Variants in KCNB2 observed in about 807,000 individuals in gnomAD.
KCNB2 encodes delayed rectifier potassium channel protein.
Under a neutral mutation model 61.5 loss-of-function variants are expected in KCNB2, and 15 were observed. The observed-to-expected ratio is 0.24, with a 90% CI of 0.16 to 0.38. The LOEUF (loss-of-function observed/expected upper bound fraction) is 0.38. Ranked by LOEUF, KCNB2 falls within the 10% of genes least tolerant of loss-of-function variation. The probability of loss-of-function intolerance (pLI) is 1.00; values close to 1 mark genes in which losing one functional copy is unlikely to be tolerated. For missense variants in KCNB2, 828 were observed against 1,125.2 expected, an observed-to-expected ratio of 0.74 and a Z score of 3.78; for synonymous variants, 457 against 446.0, an observed-to-expected ratio of 1.02 and a Z score of -0.31.
At chr8:72,882,840 C>T (rs552854704) in intron 2 of KCNB2, among the ~76,000 whole-genome samples, 5 of 152,292 alleles carry the variant, frequency 3.3e-5, no homozygotes, top group Admixed American at 1.3e-4. Context: ...ATTTAAAAAT[C>T]AGGAGATTTC....
chr8:72,798,098 A>G (rs1197120166), intron 2 of KCNB2, among the ~76,000 whole-genome samples: 1 of 151,960 alleles, frequency 6.6e-6, no homozygotes, highest in Non-Finnish European at 1.5e-5. Context: ...TGGAAAACAC[A>G]TAGCAATTCT....
At chr8:72,826,695 C>T (rs1250880479) in intron 2 of KCNB2, among the ~76,000 whole-genome samples, 2 of 152,160 alleles carry the variant, frequency 1.3e-5, no homozygotes, top group Admixed American at 6.5e-5. Flanking sequence ...AAGTAATTGA[C>T]TCCTTAGAGT....
intron 2 of KCNB2, among the ~76,000 whole-genome samples, chr8:72,640,296 T>C (rs1441081658): frequency 6.6e-6 from 1 of 152,118 alleles, no homozygotes; most frequent in African/African-American, 2.4e-5. Flanking sequence ...CAGCAGGAGC[T>C]AAATATGTGC....
intron 1 of KCNB2, among the ~76,000 whole-genome samples, chr8:72,560,166 ACTGAGAAATAGTC>A (rs1323779547): frequency 1.3e-5 from 2 of 152,204 alleles, no homozygotes; most frequent in African/African-American, 2.4e-5. Context: ...ACAGAGCCCA[ACTGAGAAATAGTC>A]CTTGTACATG....
intron 2 of KCNB2, among the ~76,000 whole-genome samples, chr8:72,610,178 T>G (rs967852705): frequency 1.3e-5 from 2 of 152,132 alleles, no homozygotes; most frequent in Non-Finnish European, 2.9e-5. Context: ...GAAAAGATAA[T>G]GACTCTTAAA....
chr8:72,843,795 A>C (rs568169779), intron 2 of KCNB2, among the ~76,000 whole-genome samples: 5 of 152,010 alleles, frequency 3.3e-5, no homozygotes, highest in Non-Finnish European at 5.9e-5. Flanking sequence ...CTTGGTAAAT[A>C]TTCCTCCATC....
intron 2 of KCNB2, among the ~76,000 whole-genome samples, chr8:72,864,338 G>C (rs1030163076): frequency 5.3e-5 from 8 of 152,260 alleles, no homozygotes; most frequent in South Asian, 4.1e-4. Flanking sequence ...CCACTAAATA[G>C]ATCTATGAAA....
chr8:72,568,871 T>C (rs1243888719), intron 2 of KCNB2, among the ~76,000 whole-genome samples: 2 of 151,906 alleles, frequency 1.3e-5, no homozygotes, highest in Non-Finnish European at 2.9e-5. Context: ...TGCATCCACG[T>C]ACCTCCCCTT....
chr8:72,647,368 T>TA (rs71927599), intron 2 of KCNB2, among the ~76,000 whole-genome samples: 20 of 151,200 alleles, frequency 1.3e-4, no homozygotes, highest in African/African-American at 2.4e-4. Flanking sequence ...CTCTTTTATT[T>TA]AAAAAAAAAT....
intron 2 of KCNB2, among the ~76,000 whole-genome samples, chr8:72,818,681 T>C (rs1809444840): frequency 6.6e-6 from 1 of 152,184 alleles, no homozygotes; most frequent in African/African-American, 2.4e-5. Flanking sequence ...CATCTGCTAA[T>C]TTTTAGGCTC....
intron 2 of KCNB2, among the ~76,000 whole-genome samples, chr8:72,730,553 T>A (rs1211150404): frequency 1.3e-5 from 2 of 152,158 alleles, no homozygotes; most frequent in East Asian, 3.9e-4. Context: ...TTTGTCCTGG[T>A]TCCTTCACAG....
Position 72,699,369 on chromosome 8 carries a change from T to A in KCNB2, c.579+131056T>A, listed in dbSNP as rs572366981. Among the ~76,000 whole-genome samples the A allele has an allele frequency of 1.0e-3, 155 of 152,304 alleles. 1 individual carries two copies. Among genetic ancestry groups the A allele is most frequent in the African/African-American group, 1.1e-3 (45 of 41,566 alleles). On this transcript the variant is annotated intron_variant, in intron 2 of 2. Transcript: ENST00000523207. The stretch of plus-strand genomic sequence containing the variant: ...GTGATGATGAGCTTTTTTTCATATG[T>A]TTGTTGGCCGCATAAATATCTTCTT...
chr8:72,791,099 A>G (rs1325802957), intron 2 of KCNB2, among the ~76,000 whole-genome samples: 1 of 152,194 alleles, frequency 6.6e-6, no homozygotes, highest in Non-Finnish European at 1.5e-5. Flanking sequence ...TTAAAATGTG[A>G]CTGAAATGTT....
intron 2 of KCNB2, among the ~76,000 whole-genome samples, chr8:72,779,842 A>T (rs1256148337): frequency 1.3e-5 from 2 of 152,208 alleles, no homozygotes; most frequent in African/African-American, 4.8e-5. Context: ...CTGTATAAAA[A>T]TGACTGCTGC....
intron 2 of KCNB2, among the ~76,000 whole-genome samples, chr8:72,927,782 C>A (rs540927674): frequency 6.6e-6 from 1 of 152,188 alleles, no homozygotes; most frequent in Non-Finnish European, 1.5e-5. Flanking sequence ...AATCACAAAC[C>A]CCTATGTGTC....
At chr8:72,884,796 A>T (rs906471103) in intron 2 of KCNB2, among the ~76,000 whole-genome samples, 1 of 152,134 alleles carries the variant, frequency 6.6e-6, no homozygotes, top group Non-Finnish European at 1.5e-5. Context: ...CCACACCAAG[A>T]TCACATGTCT....
intron 2 of KCNB2, among the ~76,000 whole-genome samples, chr8:72,705,664 T>C (rs969042110): frequency 1.7e-4 from 26 of 152,160 alleles, no homozygotes; most frequent in Non-Finnish European, 4.4e-5. Flanking sequence ...CACTCAAAAT[T>C]TGTGGGCTGG....
chr8:72,905,547 G>A (rs1434231762), intron 2 of KCNB2, among the ~76,000 whole-genome samples: 2 of 152,178 alleles, frequency 1.3e-5, no homozygotes, highest in Admixed American at 1.3e-4. Context: ...AAGAGTAATG[G>A]CACTTAAGCA....
chr8:72,937,594 A>G lies in KCNB2; in HGVS notation c.2239A>G (p.Thr747Ala). ...AGTCACCACAGCTGACTTTTCGCTC[A>G]CTACCCCGCAGCACATCAGTACCAT... is the stretch of plus-strand genomic sequence containing the variant. ...LPVTTADFSL[T>A]TPQHISTILL... Residue 747 changes from threonine to alanine, a missense_variant, in exon 3 of 3, where the codon ACT (threonine) becomes GCT (alanine). Coordinates refer to ENST00000523207, the MANE Select transcript of KCNB2 (RefSeq NM_004770.3). 1.9e-6 allele frequency: 3 copies of G among 1,613,948 alleles called. No homozygotes were observed. Among genetic ancestry groups the G allele is most frequent in the Non-Finnish European group, 2.5e-6 (3 of 1,180,004 alleles).
Sources: gnomAD v4.1 joint callset for allele counts (sites outside exome capture counted in the v4.1 genomes callset) on GRCh38, gnomAD v4.1.1 for gene constraint, MANE v1.5 for transcripts, NCBI Gene and HGNC (gene_info 2026-07-23, HGNC 2026-07-21) for gene names.